The following RANBP2 variants were observed in gnomAD, a reference collection of about 807,000 sequenced individuals.
RANBP2 encodes the protein E3 SUMO-protein ligase RanBP2.
RANBP2 carries 57 observed loss-of-function variants against 303.6 expected under a neutral mutation model. The observed-to-expected ratio is 0.19, with a 90% CI of 0.15 to 0.23. The LOEUF (loss-of-function observed/expected upper bound fraction) is 0.23, where lower values mean the gene tolerates loss of function less well. Ranked by LOEUF, RANBP2 falls within the 10% of genes least tolerant of loss-of-function variation. RANBP2 has a pLI of 1.00. For missense variants in RANBP2, 3,138 were observed against 3,780.8 expected (o/e 0.83, Z 4.46); for synonymous variants, 1,167 against 1,301.5 (o/e 0.90, Z 2.23).
chr2:109,378,844 G>T, the RANBP2 span, among the ~76,000 whole-genome samples: 1 of 152,104 alleles, frequency 6.6e-6, no homozygotes, highest in Non-Finnish European at 1.5e-5. Context: ...CTCCTTGTGG[G>T]CAGTTCTTTC....
the RANBP2 span, chr2:109,490,702 A>C: frequency 6.5e-7 from 1 of 1,533,300 alleles, no homozygotes; most frequent in Non-Finnish European, 8.7e-7. Flanking sequence ...CACGACCCCC[A>C]GGTGGCCGTG....
chr2:108,940,259 T>C, the RANBP2 span: 6 of 152,296 alleles, frequency 3.9e-5, no homozygotes, highest in South Asian at 2.1e-4. Flanking sequence ...AGGCTGGCTA[T>C]TGTAGGTAAT....
the RANBP2 span, among the ~76,000 whole-genome samples, chr2:109,041,685 CTTTTTTT>C: frequency 2.1e-4 from 17 of 82,056 alleles, no homozygotes; most frequent in East Asian, 2.1e-3. Flanking sequence ...CCATGCCCGG[CTTTTTTT>C]TTTTTTTTTT....
the RANBP2 span, among the ~76,000 whole-genome samples, chr2:108,858,784 C>T: frequency 3.3e-5 from 5 of 151,674 alleles, no homozygotes; most frequent in Non-Finnish European, 7.4e-5. Context: ...GTTTGGGCTT[C>T]AACTGAACTC....
the RANBP2 span, among the ~76,000 whole-genome samples, chr2:109,037,165 A>AAAAAAC: frequency 6.6e-6 from 1 of 151,886 alleles, no homozygotes; most frequent in Non-Finnish European, 1.5e-5. Context: ...AAACAAAACA[A>AAAAAAC]AAAAACAAAA....
intron 25 of RANBP2, among the ~76,000 whole-genome samples, chr2:108,779,501 A>G (rs1678096592): frequency 6.6e-6 from 1 of 151,976 alleles, no homozygotes; most frequent in Admixed American, 6.6e-5. Flanking sequence ...TTTCCCCTCC[A>G]TTAAATCTGT....
At chr2:109,062,294 A>G in the RANBP2 span, among the ~76,000 whole-genome samples, 2 of 152,228 alleles carry the variant, frequency 1.3e-5, no homozygotes, top group South Asian at 4.1e-4. Flanking sequence ...GCTTTAAGCC[A>G]AGGGCAGTCA....
the RANBP2 span, among the ~76,000 whole-genome samples, chr2:109,630,251 A>G: frequency 2.0e-5 from 3 of 152,152 alleles, no homozygotes; most frequent in African/African-American, 7.2e-5. Context: ...GGGGCAGCCA[A>G]TTCTTGGAGA....
At chr2:109,630,483 G>T in the RANBP2 span, among the ~76,000 whole-genome samples, 2 of 152,170 alleles carry the variant, frequency 1.3e-5, no homozygotes, top group Admixed American at 6.5e-5. Flanking sequence ...ATTCTGCCCT[G>T]CCTTGCGGTT....
At chr2:108,821,357 C>CAA in the RANBP2 span, among the ~76,000 whole-genome samples, 1 of 151,200 alleles carries the variant, frequency 6.6e-6, no homozygotes, top group African/African-American at 2.4e-5. Flanking sequence ...GACTCCGTCT[C>CAA]AAAAAAAATA....
rs372122123 is a variant in RANBP2, at chr2:108,755,177, A to G, written c.2384A>G (p.Tyr795Cys). Residue 795 changes from tyrosine (Y) to cysteine (C), a missense_variant and splice_region_variant, in exon 17 of 29, where the codon TAT becomes TGT. By Grantham distance (194) the Tyr-to-Cys change is radical. Around this residue, in one of 20 missense-constraint regions of RANBP2, gnomAD observed 194 missense variants for 197.4 expected, o/e 0.98. Coordinates refer to ENST00000283195, the MANE Select transcript of RANBP2 (RefSeq NM_006267.5). ...TTTGTTATTTTTATTTTTTTTTAGT[A>G]TTCTCCCAAAACACCACCTCGATGG... ...YSLSPSKSYKYSPKTPPRWAE... is the reference protein window; with the variant it reads ...YSLSPSKSYKCSPKTPPRWAE... 7 of 1,611,606 alleles carry G rather than the reference A, an allele frequency of 4.3e-6. No homozygotes were observed. Among genetic ancestry groups the G allele is most frequent in the Non-Finnish European group, 5.9e-6 (7 of 1,179,816 alleles).
At chr2:109,709,307 A>AAAAAT in the RANBP2 span, among the ~76,000 whole-genome samples, 32,372 of 127,290 alleles carry the variant, frequency 0.25, 4,753 homozygotes, top group Admixed American at 0.33. Context: ...ACTGTGTCTC[A>AAAAAT]AAAATAAAAT....
chr2:108,854,739 C>T, the RANBP2 span, among the ~76,000 whole-genome samples: 1 of 152,132 alleles, frequency 6.6e-6, no homozygotes, highest in Non-Finnish European at 1.5e-5. Flanking sequence ...CTTTCTTGGC[C>T]TCTCTCCAGG....
the RANBP2 span, among the ~76,000 whole-genome samples, chr2:109,172,517 T>C: frequency 6.6e-6 from 1 of 152,224 alleles, no homozygotes; most frequent in Admixed American, 6.5e-5. Context: ...AATTTTCCTT[T>C]CTTACCTCCC....
chr2:109,476,908 A>C, the RANBP2 span, among the ~76,000 whole-genome samples: 1 of 152,180 alleles, frequency 6.6e-6, no homozygotes, highest in Non-Finnish European at 1.5e-5. Flanking sequence ...CATGGCGCTA[A>C]TGGGAGTGTA....
the RANBP2 span, among the ~76,000 whole-genome samples, chr2:108,800,716 C>T: frequency 3.8e-4 from 42 of 110,812 alleles, no homozygotes; most frequent in African/African-American, 1.3e-3. Flanking sequence ...CATGCTGGTG[C>T]GCTGCACCCA....
chr2:108,739,660 T>G (rs1404388824), intron 6 of RANBP2, among the ~76,000 whole-genome samples: 1 of 152,112 alleles, frequency 6.6e-6, no homozygotes, highest in African/African-American at 2.4e-5. Context: ...GGAGAAACAA[T>G]AGGATTTAGA....
At chr2:109,351,590 T>C in the RANBP2 span, among the ~76,000 whole-genome samples, 1 of 152,258 alleles carries the variant, frequency 6.6e-6, no homozygotes, top group Admixed American at 6.5e-5. Flanking sequence ...GCATTTGCTA[T>C]GCAGGGCCCA....
the RANBP2 span, among the ~76,000 whole-genome samples, chr2:109,410,418 C>G: frequency 0.045 from 6,807 of 152,300 alleles, 491 homozygotes; most frequent in African/African-American, 0.15. Flanking sequence ...GCGGAGGGCC[C>G]CTGCAGCTCC....
Sources: allele counts gnomAD v4.1 joint callset (sites outside exome capture counted in the v4.1 genomes callset), GRCh38; gene constraint gnomAD v4.1.1; regional missense constraint gnomAD v4.1.1; transcripts MANE v1.5; gene names NCBI Gene and HGNC (gene_info 2026-07-23, HGNC 2026-07-21).